The following GABBR2 variants were observed in gnomAD, a reference collection of about 807,000 sequenced individuals.
GABBR2 encodes gamma-aminobutyric acid type B receptor subunit 2, also known as G-protein coupled receptor 51.
A neutral mutation model predicts 105.6 loss-of-function variants in GABBR2; 23 were observed. The observed-to-expected ratio is 0.22, with a 90% CI of 0.16 to 0.31. The LOEUF (loss-of-function observed/expected upper bound fraction) is 0.31. GABBR2 is among the 10% of genes least tolerant of loss of function. GABBR2 has a pLI of 1.00. For missense variants in GABBR2, 734 were observed against 1,245.5 expected, an observed-to-expected ratio of 0.59 and a Z score of 6.18; for synonymous variants, 478 against 499.7, an observed-to-expected ratio of 0.96 and a Z score of 0.58.
intron 2 of GABBR2, among the ~76,000 whole-genome samples, chr9:98,557,723 G>T (rs941305927): frequency 6.6e-6 from 1 of 152,162 alleles, no homozygotes; most frequent in Non-Finnish European, 1.5e-5. Flanking sequence ...TACCCTAAGA[G>T]ACATGCTTTT....
intron 1 of GABBR2, among the ~76,000 whole-genome samples, chr9:98,651,554 C>T (rs1377972771): frequency 6.6e-6 from 1 of 152,124 alleles, no homozygotes; most frequent in African/African-American, 2.4e-5. Flanking sequence ...CCTGTCCCAG[C>T]CTCCAGAGTA....
intron 10 of GABBR2, among the ~76,000 whole-genome samples, chr9:98,386,873 A>C (rs1832082071): frequency 6.6e-6 from 1 of 152,188 alleles, no homozygotes; most frequent in Non-Finnish European, 1.5e-5. Context: ...AGTTGGGAGC[A>C]GGGGGTCCAG....
At chr9:98,607,424 A>C in intron 1 of GABBR2, 1 of 628,852 alleles carries the variant, frequency 1.6e-6, no homozygotes, top group Non-Finnish European at 2.9e-6. Context: ...ACACACTCAC[A>C]CCAGAGGAAT....
intron 7 of GABBR2, among the ~76,000 whole-genome samples, chr9:98,445,377 T>A (rs973824179): frequency 7.9e-5 from 12 of 152,174 alleles, no homozygotes; most frequent in Admixed American, 2.0e-4. Context: ...GGACCATTGG[T>A]TCTAAAGTTA....
chr9:98,390,827 G>A (rs1386588621), intron 9 of GABBR2, among the ~76,000 whole-genome samples: 1 of 152,146 alleles, frequency 6.6e-6, no homozygotes, highest in Non-Finnish European at 1.5e-5. Context: ...GATCACTACT[G>A]GGTTTGGGGC....
chr9:98,651,568 A>G (rs1401942670), intron 1 of GABBR2, among the ~76,000 whole-genome samples: 1 of 152,166 alleles, frequency 6.6e-6, no homozygotes, highest in African/African-American at 2.4e-5. Context: ...CAGAGTAGCT[A>G]GAATTACAAA....
intron 13 of GABBR2, among the ~76,000 whole-genome samples, chr9:98,322,201 G>T (rs1485849584): frequency 6.6e-6 from 1 of 151,986 alleles, no homozygotes; most frequent in Non-Finnish European, 1.5e-5. Context: ...GCCTCTCCCA[G>T]TCTGAATTTA....
chr9:98,690,183 T>C (rs1747538515), intron 1 of GABBR2, among the ~76,000 whole-genome samples: 1 of 152,126 alleles, frequency 6.6e-6, no homozygotes, highest in Non-Finnish European at 1.5e-5. Context: ...TCCAGTGTCA[T>C]TATCTAATTT....
chr9:98,622,314 A>C (rs1028801517), intron 1 of GABBR2, among the ~76,000 whole-genome samples: 1 of 151,982 alleles, frequency 6.6e-6, no homozygotes, highest in African/African-American at 2.4e-5. Flanking sequence ...ATAGGCGCAC[A>C]TTGCTACACC....
At chr9:98,593,648 G>A (rs1026993607) in intron 1 of GABBR2, among the ~76,000 whole-genome samples, 12 of 152,156 alleles carry the variant, frequency 7.9e-5, no homozygotes, top group Admixed American at 4.6e-4. Flanking sequence ...CCACGCTACC[G>A]ACTTTCCCTT....
At chr9:98,611,055 T>C (rs1829498998) in intron 1 of GABBR2, among the ~76,000 whole-genome samples, 1 of 152,070 alleles carries the variant, frequency 6.6e-6, no homozygotes, top group African/African-American at 2.4e-5. Context: ...CACCTTCCAC[T>C]GCTTTCTCAA....
intron 11 of GABBR2, among the ~76,000 whole-genome samples, chr9:98,383,909 G>T (rs1339438456): frequency 6.6e-6 from 1 of 152,166 alleles, no homozygotes. Context: ...TTTAAAGGGT[G>T]CTTCGTTTAA....
chr9:98,539,867 G>T (rs1287685033), intron 3 of GABBR2, among the ~76,000 whole-genome samples: 1 of 147,484 alleles, frequency 6.8e-6, no homozygotes, highest in African/African-American at 2.5e-5. Flanking sequence ...AATGAGCCGA[G>T]ATTGCGCCAG....
intron 7 of GABBR2, among the ~76,000 whole-genome samples, chr9:98,422,893 A>T (rs1832809692): frequency 6.6e-6 from 1 of 151,918 alleles, no homozygotes; most frequent in East Asian, 1.9e-4. Flanking sequence ...TAGTTTACTG[A>T]GAATGATGAT....
rs55727456 is a variant in GABBR2, at chr9:98,651,139, GTTT to G, written c.321+57275_321+57277del. 1.5e-4 allele frequency among the ~76,000 whole-genome samples: 20 copies of G among 129,562 alleles called. No homozygotes were observed. The East Asian group carries it at 1.9e-3, about 13-fold the overall frequency. 85.0% of individuals were successfully genotyped at this position (129,562 alleles called of 152,430 possible). On this transcript the variant is annotated intron_variant, in intron 1 of 18. Coordinates refer to ENST00000259455, the MANE Select transcript of GABBR2 (RefSeq NM_005458.8). ...CCCACACACACACATACACACACTG[GTTT>G]TTTTTTTTTTTTTTTTTTTTTGAGA...
In GABBR2 at chr9:98,288,546, TG is replaced by T. The variant is rs59543345; in HGVS notation, c.*2037del. On this transcript the variant is annotated 3_prime_UTR_variant, in exon 19 of 19. Coordinates refer to ENST00000259455, the MANE Select transcript of GABBR2 (RefSeq NM_005458.8). ...TAATATTTCTACAGGTATTTTTTTT[TG>T]TGTGTGTGTATACATTATGTACAAT... 12,617 of 152,326 alleles carry T rather than the reference TG, an allele frequency of 0.083. 611 individuals carry two copies. Among genetic ancestry groups the T allele is most frequent in the Middle Eastern group, 0.11 (33 of 294 alleles). The allele number at this position is 152,326 out of a possible 1,614,324, so 9.4% of individuals were successfully genotyped here. A position where few individuals can be genotyped will look rare whatever the true frequency, so the allele number is the denominator to read the frequency against.
At chr9:98,483,113 A>G (rs62575964) in intron 4 of GABBR2, among the ~76,000 whole-genome samples, 37,388 of 151,950 alleles carry the variant, frequency 0.25, 4,999 homozygotes, top group East Asian at 0.53. Context: ...AGCTGAATCC[A>G]CCAGCTTTCC....
chr9:98,512,274 A>C (rs2131697961), intron 3 of GABBR2, among the ~76,000 whole-genome samples: 1 of 140,488 alleles, frequency 7.1e-6, no homozygotes, highest in African/African-American at 2.6e-5. Context: ...AATAAGAGCT[A>C]TCTATGACAA....
At chr9:98,299,547 T>C (rs573577570) in intron 16 of GABBR2, among the ~76,000 whole-genome samples, 194 bp from the exon 17 acceptor site, 2 of 152,310 alleles carry the variant, frequency 1.3e-5, no homozygotes, top group African/African-American at 2.4e-5. Flanking sequence ...GGAGAAGCTA[T>C]GATAAGAGGG....
Sources: gnomAD v4.1 joint callset for allele counts (sites outside exome capture counted in the v4.1 genomes callset) on GRCh38, gnomAD v4.1.1 for gene constraint, MANE v1.5 for transcripts, NCBI Gene and HGNC (gene_info 2026-07-23, HGNC 2026-07-21) for gene names.